Variants in NHERF2 observed in about 807,000 individuals in gnomAD.
The protein encoded by NHERF2 is NHERF family PDZ scaffold protein 2, also known as Na(+)/H(+) exchange regulatory cofactor NHE-RF2.
At chr16:2,036,340 T>C in the NHERF2 span, 2 of 1,609,626 alleles carry the variant, frequency 1.2e-6, no homozygotes, top group East Asian at 4.5e-5. Context: ...AGTGGGCCCC[T>C]GAGGGAGCTG....
chr16:2,027,411 C>T, the NHERF2 span, among the ~76,000 whole-genome samples: 1 of 152,156 alleles, frequency 6.6e-6, no homozygotes, highest in Non-Finnish European at 1.5e-5. Context: ...GGGGGGGCAT[C>T]CTGGCAGGGA....
the NHERF2 span, chr16:2,029,465 C>G: frequency 2.2e-5 from 21 of 957,494 alleles, no homozygotes; most frequent in Non-Finnish European, 4.8e-6. Context: ...TGCAGCCACC[C>G]GCCCATGCAG....
At chr16:2,032,819 G>A in the NHERF2 span, 30 of 997,400 alleles carry the variant, frequency 3.0e-5, no homozygotes, top group Non-Finnish European at 3.5e-5. This position sits in a 1 kb window ranked among gnomAD's most constrained non-coding sequence, Gnocchi z 4.0. Flanking sequence ...GGCCAGCGGT[G>A]CCAGGCCCTG....
At chr16:2,030,400 C>T in the NHERF2 span, among the ~76,000 whole-genome samples, 1 of 152,144 alleles carries the variant, frequency 6.6e-6, no homozygotes, top group Non-Finnish European at 1.5e-5. Flanking sequence ...TCTGCTGTTC[C>T]TCCTGGACTC....
the NHERF2 span, chr16:2,035,391 CCCTGG>C: frequency 1.8e-4 from 174 of 984,190 alleles, no homozygotes; most frequent in African/African-American, 2.0e-3. Context: ...GCCGCCCCAG[CCCTGG>C]CCTGGCCTGG....
At chr16:2,029,500 G>A in the NHERF2 span, 1 of 1,354,018 alleles carries the variant, frequency 7.4e-7, no homozygotes, top group East Asian at 2.5e-5. Context: ...CGCACGCCTG[G>A]GCCAGCCCAG....
chr16:2,035,384 G>A, the NHERF2 span: 18 of 985,450 alleles, frequency 1.8e-5, no homozygotes, highest in Admixed American at 6.2e-5. Context: ...TTGCCATGCC[G>A]CCCCAGCCCT....
the NHERF2 span, chr16:2,038,403 CCCCCCCTTCCCCT>C: frequency 0.012 from 4,306 of 358,742 alleles, 39 homozygotes; most frequent in Non-Finnish European, 0.017. Flanking sequence ...ACCAGAGACC[CCCCCCCTTCCCCT>C]CCCCCTTCCC....
the NHERF2 span, chr16:2,027,194 C>T: frequency 2.8e-6 from 4 of 1,438,752 alleles, no homozygotes; most frequent in South Asian, 4.1e-5. Flanking sequence ...ACGGCGTCAA[C>T]GTGGAGGGCG....
At chr16:2,038,048 C>T in the NHERF2 span, 5 of 1,574,270 alleles carry the variant, frequency 3.2e-6, no homozygotes, top group South Asian at 1.1e-5. Context: ...CCTCAGCCTG[C>T]CCCGAGCTCC....
the NHERF2 span, chr16:2,029,828 G>C: frequency 6.7e-7 from 1 of 1,491,346 alleles, no homozygotes; most frequent in Non-Finnish European, 9.1e-7. Context: ...CTCTCCCAGA[G>C]GCTCTCTCAG....
chr16:2,035,435 G>A, the NHERF2 span: 1 of 985,820 alleles, frequency 1.0e-6, no homozygotes, highest in Non-Finnish European at 1.2e-6. Flanking sequence ...CACACAGGGA[G>A]GTAGGAGGTG....
the NHERF2 span, chr16:2,035,391 C>T: frequency 1.2e-5 from 12 of 984,432 alleles, no homozygotes; most frequent in East Asian, 8.0e-4. Flanking sequence ...GCCGCCCCAG[C>T]CCTGGCCTGG....
the NHERF2 span, among the ~76,000 whole-genome samples, chr16:2,031,294 GGGGGGGCTGGCCTTGCA>G: frequency 6.6e-6 from 1 of 152,126 alleles, no homozygotes; most frequent in Non-Finnish European, 1.5e-5. Flanking sequence ...CAGGGCTGGT[GGGGGGGCTGGCCTTGCA>G]GGGGGGCTGG....
chr16:2,038,172 G>A, the NHERF2 span: 2 of 644,218 alleles, frequency 3.1e-6, no homozygotes, highest in South Asian at 3.9e-5. Flanking sequence ...GTGGCAGCAA[G>A]ATAGGGGGAG....
chr16:2,028,815 C>T, the NHERF2 span, among the ~76,000 whole-genome samples: 3 of 152,328 alleles, frequency 2.0e-5, no homozygotes, highest in South Asian at 2.1e-4. Flanking sequence ...TTTCTCTCCG[C>T]GGGTGTGCGC....
the NHERF2 span, among the ~76,000 whole-genome samples, chr16:2,035,192 A>G: frequency 6.6e-6 from 1 of 152,136 alleles, no homozygotes; most frequent in Admixed American, 6.5e-5. Flanking sequence ...TCCTGAGCCC[A>G]GGGGACAGAG....
At chr16:2,029,747 C>T in the NHERF2 span, 18 of 1,554,354 alleles carry the variant, frequency 1.2e-5, no homozygotes, top group Non-Finnish European at 1.4e-5. Flanking sequence ...AGACTGGGCA[C>T]ACACCGGCAG....
At chr16:2,028,367 G>T in the NHERF2 span, among the ~76,000 whole-genome samples, 4 of 152,206 alleles carry the variant, frequency 2.6e-5, no homozygotes, top group African/African-American at 7.2e-5. Context: ...GGGTAGGGCT[G>T]CCAGGGCTGG....
Sources: allele counts gnomAD v4.1 joint callset (sites outside exome capture counted in the v4.1 genomes callset), GRCh38; gene constraint gnomAD v4.1.1; non-coding constraint Gnocchi (gnomAD v3.1); transcripts MANE v1.5; gene names NCBI Gene and HGNC (gene_info 2026-07-23, HGNC 2026-07-21).